Variants in MAP3K3 observed in about 807,000 individuals in gnomAD.
MAP3K3 encodes the protein mitogen-activated protein kinase kinase kinase 3.
Under a neutral mutation model 80.9 loss-of-function variants are expected in MAP3K3, and 12 were observed. The ratio of observed to expected loss-of-function variants is 0.15; its 90% CI spans 0.10 to 0.24. The LOEUF (loss-of-function observed/expected upper bound fraction) is 0.24, where lower values mean the gene tolerates loss of function less well. Ranked by LOEUF, MAP3K3 falls within the 10% of genes least tolerant of loss-of-function variation. MAP3K3 has a pLI of 1.00. For missense variants in MAP3K3, 596 were observed against 834.7 expected (o/e 0.71, Z 3.52); for synonymous variants, 272 against 307.1 (o/e 0.89, Z 1.19).
chr17:63,681,616 T>C, intron 6 of MAP3K3, 150 bp from the exon 7 acceptor site: 3 of 613,468 alleles, frequency 4.9e-6, no homozygotes, highest in Non-Finnish European at 7.6e-6. Context: ...TTTGTTTGCC[T>C]GAGGGAGCTG....
At position 63,692,232 on chromosome 17, in the gene MAP3K3, C is replaced by A. The variant is rs765319295; in HGVS notation, c.1475-10C>A. ...TCCAGGGTTGCAGCCTCTGCCCTTT[C>A]ATGCCTCAGGAGCCAACATCCTCCG... On this transcript the variant is annotated splice_polypyrimidine_tract_variant and intron_variant, in intron 14 of 15. Coordinates refer to ENST00000361733, the MANE Select transcript of MAP3K3 (RefSeq NM_002401.5). The surrounding 1 kb of genome is among the most constrained non-coding windows in gnomAD (Gnocchi z 4.5). 2 of 1,613,750 alleles carry A rather than the reference C, an allele frequency of 1.2e-6. No individual in the cohort carries two copies. The highest frequency in any genetic ancestry group is 2.2e-5 in the East Asian group (1 of 44,880).
intron 3 of MAP3K3, among the ~76,000 whole-genome samples, 166 bp downstream of exon 3, chr17:63,646,240 T>C (rs957666326): frequency 3.3e-5 from 5 of 152,238 alleles, no homozygotes; most frequent in African/African-American, 1.2e-4. Flanking sequence ...TGTCTTGGCC[T>C]ACTAATTGAA....
intron 2 of MAP3K3, chr17:63,636,989 C>T (rs922949494): frequency 1.9e-5 from 12 of 616,858 alleles, no homozygotes; most frequent in African/African-American, 9.5e-5. Context: ...CTACGGTATC[C>T]GGAAGCTGCA....
rs73339447 is a variant in MAP3K3, at chr17:63,689,752, G to A, written c.1063+17G>A. ...CAACCAAGTGTGAGGAGCTGTCCCT[G>A]GCTAGGAGGAGACTGCCCAGGTGGT... On this transcript the variant is annotated intron_variant, in intron 11 of 15. Transcript: ENST00000361733. This position sits in a 1 kb window ranked among gnomAD's most constrained non-coding sequence, Gnocchi z 4.3. 3.1e-3 allele frequency: 5,024 copies of A among 1,598,874 alleles called. 134 individuals are homozygous for A. The African/African-American group carries it at 0.06, about 19-fold the overall frequency.
Position 63,693,114 on chromosome 17 carries a change from C to G in MAP3K3, c.1653-435C>G, listed in dbSNP as rs995169466. On this transcript the variant is annotated intron_variant, in intron 15 of 15. Coordinates refer to ENST00000361733, the MANE Select transcript of MAP3K3 (RefSeq NM_002401.5). This position sits in a 1 kb window ranked among gnomAD's most constrained non-coding sequence, Gnocchi z 4.2. The stretch of plus-strand genomic sequence containing the variant: ...GGTGGCCTCTAGAACCCAGGAAAGG[C>G]AAGGAAACAGGTTCTCCCCTCAGAG... Among the ~76,000 whole-genome samples the G allele has an allele frequency of 7.2e-5, 11 of 152,258 alleles. No homozygotes were observed. The South Asian group carries it at 2.3e-3, about 31-fold the overall frequency.
At chr17:63,670,503 A>C (rs2035083155) in intron 6 of MAP3K3, among the ~76,000 whole-genome samples, 1 of 150,904 alleles carries the variant, frequency 6.6e-6, no homozygotes, top group African/African-American at 2.5e-5. Flanking sequence ...GGATCACTTG[A>C]ACCTGAGAGA....
chr17:63,654,111 TG>T (rs1317711730), intron 4 of MAP3K3, among the ~76,000 whole-genome samples: 8 of 152,236 alleles, frequency 5.3e-5, no homozygotes, highest in African/African-American at 1.9e-4. Flanking sequence ...TCAAGCGATC[TG>T]CCTGCCTCAG....
chr17:63,644,688 A>G (rs1476568304), intron 2 of MAP3K3, among the ~76,000 whole-genome samples: 1 of 152,250 alleles, frequency 6.6e-6, no homozygotes, highest in Non-Finnish European at 1.5e-5. Context: ...AGAGAAGTCT[A>G]GTCCCTTAAT....
intron 1 of MAP3K3, among the ~76,000 whole-genome samples, chr17:63,623,627 G>A (rs143907129): frequency 0.013 from 2,026 of 152,296 alleles, 14 homozygotes; most frequent in Non-Finnish European, 0.019. Flanking sequence ...TAGCATTTGA[G>A]TTGAATTATA....
chr17:63,688,717 C>T, intron 9 of MAP3K3, 72 bp from the exon 10 acceptor site: 2 of 1,386,226 alleles, frequency 1.4e-6, no homozygotes, highest in Non-Finnish European at 2.1e-6. Flanking sequence ...TCTCAGGTGC[C>T]TTGGGGACTT....
At chr17:63,646,445 T>C (rs1295134900) in intron 3 of MAP3K3, among the ~76,000 whole-genome samples, 1 of 152,230 alleles carries the variant, frequency 6.6e-6, no homozygotes, top group Non-Finnish European at 1.5e-5. Context: ...TCCTGTGATA[T>C]GGTGCCATTA....
intron 1 of MAP3K3, among the ~76,000 whole-genome samples, chr17:63,623,222 C>T (rs1337024083): frequency 6.6e-6 from 1 of 152,102 alleles, no homozygotes; most frequent in African/African-American, 2.4e-5. Context: ...CCTTTGCTCA[C>T]ACAGGCCGGC....
At position 63,689,008 on chromosome 17, in the gene MAP3K3, G is replaced by C; in HGVS notation, c.871+127G>C. 1 of 677,826 alleles carries C rather than the reference G, an allele frequency of 1.5e-6. No individual in the cohort carries two copies. Among genetic ancestry groups the C allele is most frequent in the Non-Finnish European group, 2.6e-6 (1 of 385,402 alleles). 42.0% of individuals were successfully genotyped at this position (677,826 alleles called of 1,614,324 possible). ...TCCTGAGGATTTGTGGCCCAGACTT[G>C]AGGCATGGGAGACAGGAAAAAAACA... On this transcript the variant is annotated intron_variant, in intron 10 of 15. Coordinates refer to ENST00000361733, the MANE Select transcript of MAP3K3 (RefSeq NM_002401.5). The surrounding 1 kb of genome is among the most constrained non-coding windows in gnomAD (Gnocchi z 4.3).
chr17:63,653,202 T>G (rs2034695083), intron 4 of MAP3K3, among the ~76,000 whole-genome samples: 1 of 152,240 alleles, frequency 6.6e-6, no homozygotes, highest in South Asian at 2.1e-4. Flanking sequence ...TACTTCTACT[T>G]TGAATATCAC....
At chr17:63,668,897 C>T (rs1361562204) in intron 6 of MAP3K3, among the ~76,000 whole-genome samples, 3 of 152,116 alleles carry the variant, frequency 2.0e-5, no homozygotes, top group Non-Finnish European at 2.9e-5. Context: ...GTGGCTGGAG[C>T]AGATTCCGCC....
At chr17:63,639,922 T>C (rs1026756822) in intron 2 of MAP3K3, among the ~76,000 whole-genome samples, 1 of 152,090 alleles carries the variant, frequency 6.6e-6, no homozygotes, top group East Asian at 1.9e-4. Context: ...TTATATCTTA[T>C]TGACTCTGGG....
rs1222332680 is a variant in MAP3K3, at chr17:63,689,756, A to G, written c.1063+21A>G. The stretch of plus-strand genomic sequence containing the variant: ...CAAGTGTGAGGAGCTGTCCCTGGCT[A>G]GGAGGAGACTGCCCAGGTGGTCTCA... On this transcript the variant is annotated intron_variant, in intron 11 of 15. Transcript: ENST00000361733. This position sits in a 1 kb window ranked among gnomAD's most constrained non-coding sequence, Gnocchi z 4.3. The G allele has an allele frequency of 6.3e-7, 1 of 1,595,406 alleles. No individual in the cohort carries two copies. The highest frequency in any genetic ancestry group is 1.7e-5 in the Admixed American group (1 of 58,552).
chr17:63,629,632 T>C (rs1383740813), intron 1 of MAP3K3, among the ~76,000 whole-genome samples: 4 of 152,352 alleles, frequency 2.6e-5, no homozygotes, highest in Non-Finnish European at 5.9e-5. Flanking sequence ...CTTGATTTAC[T>C]TCCTGTCTTT....
intron 1 of MAP3K3, among the ~76,000 whole-genome samples, chr17:63,631,827 A>G (rs549808497): frequency 7.9e-5 from 12 of 152,356 alleles, no homozygotes; most frequent in African/African-American, 2.4e-4. Flanking sequence ...TAGTAGGCCT[A>G]TAAACTTGTA....
Sources: allele counts gnomAD v4.1 joint callset (sites outside exome capture counted in the v4.1 genomes callset), GRCh38; gene constraint gnomAD v4.1.1; non-coding constraint Gnocchi (gnomAD v3.1); transcripts MANE v1.5; gene names NCBI Gene and HGNC (gene_info 2026-07-23, HGNC 2026-07-21).